RINL: variants seen among roughly 807,000 people sequenced by gnomAD.
RINL encodes the protein Ras and Rab interactor like.
Under a neutral mutation model 58.1 loss-of-function variants are expected in RINL, and 39 were observed. The ratio of observed to expected loss-of-function variants is 0.67; its 90% CI spans 0.52 to 0.88. RINL has a LOEUF of 0.88. RINL is among the 40% of genes least tolerant of loss of function. The pLI is 0.00. For missense variants in RINL, 711 were observed against 749.2 expected, an observed-to-expected ratio of 0.95 and a Z score of 0.60; for synonymous variants, 286 against 323.1, an observed-to-expected ratio of 0.89 and a Z score of 1.23.
In RINL at chr19:38,878,220, TG is replaced by T; in HGVS notation, c.-40+11del. 1 of 143,876 alleles carries T rather than the reference TG, an allele frequency of 7.0e-6. No individual in the cohort carries two copies. Among genetic ancestry groups the T allele is most frequent in the Non-Finnish European group, 1.5e-5 (1 of 65,460 alleles). The allele number at this position is 143,876 out of a possible 1,614,324, so 8.9% of individuals were successfully genotyped here. On this transcript the variant is annotated intron_variant, in intron 1 of 11. Transcript: ENST00000591812. ...CTGAAGATGCCAGATGCTCGGTTCC[TG>T]GGGGCCCTACCTGTTCTCGGAGGAG...
Position 38,870,153 on chromosome 19 carries a change from G to A in RINL, c.1132C>T (p.Arg378Trp). ...CCCGCCCGCAGGGCTGTCTGTCGCC[G>A]CCGCAGCCGCCGCAGCTCCGGTGCT... ...LRAPELRRLR[R>W]RQTALRAGAG... Residue 378 changes from arginine to tryptophan, a missense_variant, in exon 9 of 12, where the codon CGG becomes TGG. Physicochemically the swap from Arg to Trp is moderately radical, Grantham distance 101. Transcript: ENST00000591812. This position sits in a 1 kb window ranked among gnomAD's most constrained non-coding sequence, Gnocchi z 5.8. 1.4e-6 allele frequency: 2 copies of A among 1,407,474 alleles called. No individual in the cohort carries two copies. The highest frequency in any genetic ancestry group is 9.2e-7 in the Non-Finnish European group (1 of 1,091,178). The allele number at this position is 1,407,474 out of a possible 1,614,324, so 87.2% of individuals were successfully genotyped here.
At position 38,869,690 on chromosome 19, in the gene RINL, C is replaced by A; in HGVS notation, c.1357G>T (p.Asp453Tyr). 6.2e-7 allele frequency: 1 copy of A among 1,613,808 alleles called. No individual in the cohort carries two copies. The highest frequency in any genetic ancestry group is 8.5e-7 in the Non-Finnish European group (1 of 1,179,998). Residue 453 changes from aspartate to tyrosine, a missense_variant, in exon 10 of 12, where the codon GAC (aspartate) becomes TAC (tyrosine). By Grantham distance (160) the Asp-to-Tyr change is radical. Transcript: ENST00000591812. This position sits in a 1 kb window ranked among gnomAD's most constrained non-coding sequence, Gnocchi z 5.7. ...RGENQDPLGA[D>Y]AFLPALTEEL... ...TCGGTCAGCGCCGGCAGGAAGGCGT[C>A]GGCCCCCAGGGGATCTGGGAAAACC...
Position 38,870,060 on chromosome 19 carries a change from G to A in RINL, c.1225C>T (p.Arg409Cys). Reference sequence around the variant, plus strand: ...AGGTGCGCAAGGCGCTCGTGGATGCGGCTCCGCAAGGCGGGGGCGGGGCTC... The same window carrying A: ...AGGTGCGCAAGGCGCTCGTGGATGCAGCTCCGCAAGGCGGGGGCGGGGCTC... ...GQSPAPALRS[R>C]IHERLAHLHA... Residue 409 changes from arginine to cysteine, a missense_variant, in exon 9 of 12, where the codon CGC becomes TGC. Coordinates refer to ENST00000591812, the MANE Select transcript of RINL (RefSeq NM_001195833.2). The surrounding 1 kb of genome is among the most constrained non-coding windows in gnomAD (Gnocchi z 5.8). The A allele has an allele frequency of 6.5e-7, 1 of 1,529,754 alleles. No individual in the cohort carries two copies. Among genetic ancestry groups the A allele is most frequent in the Non-Finnish European group, 8.7e-7 (1 of 1,143,390 alleles). 94.8% of individuals were successfully genotyped at this position (1,529,754 alleles called of 1,614,324 possible). A position where few individuals can be genotyped will look rare whatever the true frequency, so the allele number is the denominator to read the frequency against.
In RINL at chr19:38,869,686, G is replaced by A. The variant is rs757804252; in HGVS notation, c.1361C>T (p.Ala454Val). ...GENQDPLGAD[A>V]FLPALTEELI... ...TTCCTCGGTCAGCGCCGGCAGGAAG[G>A]CGTCGGCCCCCAGGGGATCTGGGAA... Residue 454 changes from alanine (A) to valine (V), a missense_variant, in exon 10 of 12, where the codon GCC becomes GTC. By Grantham distance (64) the Ala-to-Val change is moderately conservative. Transcript: ENST00000591812. The surrounding 1 kb of genome is among the most constrained non-coding windows in gnomAD (Gnocchi z 5.7). 85 of 1,613,740 alleles carry A rather than the reference G, an allele frequency of 5.3e-5. No individual in the cohort carries two copies. The highest frequency in any genetic ancestry group is 5.0e-5 in the Non-Finnish European group (59 of 1,180,004).
chr19:38,876,234 CT>C, intron 3 of RINL, 96 bp downstream of exon 3: 1 of 1,255,288 alleles, frequency 8.0e-7, no homozygotes, highest in Non-Finnish European at 1.1e-6. Flanking sequence ...AATAAATAGC[CT>C]TTTTGGTTTG....
Position 38,872,301 on chromosome 19 carries a change from C to A in RINL, c.314-431G>T, listed in dbSNP as rs559687947. 2.0e-5 allele frequency among the ~76,000 whole-genome samples: 3 copies of A among 152,164 alleles called. No homozygotes were observed. The East Asian group carries it at 5.8e-4, about 30-fold the overall frequency. ...AGGAGTTCGAGACCAGCCTGGCCAA[C>A]ATGGCGAAACCCCATCTCTATTAAA... On this transcript the variant is annotated intron_variant, in intron 4 of 11. Coordinates refer to ENST00000591812, the MANE Select transcript of RINL (RefSeq NM_001195833.2).
Position 38,869,197 on chromosome 19 carries a change from G to A in RINL, c.1639-31C>T, listed in dbSNP as rs888394543. On this transcript the variant is annotated intron_variant, in intron 11 of 11. Transcript: ENST00000591812. This position sits in a 1 kb window ranked among gnomAD's most constrained non-coding sequence, Gnocchi z 5.7. ...GGGAGAGGTGGGAGCTGGGTCAGAA[G>A]GGCACCAGGTCTCACCCTCCCTTCT... 6.8e-6 allele frequency: 11 copies of A among 1,614,166 alleles called. No homozygotes were observed. The highest frequency in any genetic ancestry group is 8.5e-6 in the Non-Finnish European group (10 of 1,180,008).
Position 38,871,112 on chromosome 19 carries a change from T to A in RINL, c.567A>T (p.Glu189Asp). 6.2e-7 allele frequency: 1 copy of A among 1,610,930 alleles called. No individual in the cohort carries two copies. The highest frequency in any genetic ancestry group is 8.5e-7 in the Non-Finnish European group (1 of 1,178,582). The change falls in exon 7 of 12, where the codon GAA becomes GAT. Residue 189 changes from glutamate to aspartate, a missense_variant. Physicochemically the swap from Glu to Asp is conservative, Grantham distance 45. Transcript: ENST00000591812. ...RGWGREQTPQ[E>D]TEPEAAQRHD... ...GTCTCTGAGCAGCCTCTGGCTCTGT[T>A]TCTTGAGGGGTCTGCTCCCTCCCCC...
At chr19:38,873,084 A>T (rs138674373) in intron 4 of RINL, among the ~76,000 whole-genome samples, 55 of 152,066 alleles carry the variant, frequency 3.6e-4, no homozygotes, top group Non-Finnish European at 7.1e-4. Flanking sequence ...AAAGAAAAAG[A>T]AAGTGACCAA....
chr19:38,873,816 G>A (rs985506117), intron 4 of RINL, 70 bp downstream of exon 4: 23 of 989,418 alleles, frequency 2.3e-5, no homozygotes, highest in Middle Eastern at 2.1e-4. Flanking sequence ...GTGAGCCACC[G>A]CGCCGGTCCA....
At chr19:38,874,684 G>A (rs1410084135) in intron 3 of RINL, among the ~76,000 whole-genome samples, 1 of 152,190 alleles carries the variant, frequency 6.6e-6, no homozygotes, top group Non-Finnish European at 1.5e-5. Context: ...GGTAGCCCCC[G>A]TTTGCTGTCG....
intron 1 of RINL, among the ~76,000 whole-genome samples, chr19:38,877,624 A>C (rs1038869048): frequency 6.6e-6 from 1 of 152,186 alleles, no homozygotes; most frequent in African/African-American, 2.4e-5. Flanking sequence ...CATTTTACTC[A>C]TCTTGCTTTA....
Position 38,869,854 on chromosome 19 carries a change from T to C in RINL, c.1342+89A>G. On this transcript the variant is annotated intron_variant, in intron 9 of 11. Coordinates refer to ENST00000591812, the MANE Select transcript of RINL (RefSeq NM_001195833.2). This position sits in a 1 kb window ranked among gnomAD's most constrained non-coding sequence, Gnocchi z 5.7. Reference sequence around the variant, plus strand: ...TCCTACCAGAATCTTCAGGACCGCATAGATTCCTCCCACCAGTGCTACCCT... The same window carrying C: ...TCCTACCAGAATCTTCAGGACCGCACAGATTCCTCCCACCAGTGCTACCCT... 5.3e-6 allele frequency: 8 copies of C among 1,521,882 alleles called. No individual in the cohort carries two copies. Among genetic ancestry groups the C allele is most frequent in the Middle Eastern group, 1.7e-4 (1 of 5,826 alleles). The allele number at this position is 1,521,882 out of a possible 1,614,324, so 94.3% of individuals were successfully genotyped here.
In RINL at chr19:38,870,561, TC is replaced by T; in HGVS notation, c.1024+8del. ...ACCCGTGGGGGCTCCCTTCCAGTCCTCCCATTACCTGGATCCTCGTCCTTCT... is the reference window on the plus strand; with the variant it reads ...ACCCGTGGGGGCTCCCTTCCAGTCCTCCATTACCTGGATCCTCGTCCTTCT... On this transcript the variant is annotated splice_region_variant and intron_variant, in intron 8 of 11. Transcript: ENST00000591812. This position sits in a 1 kb window ranked among gnomAD's most constrained non-coding sequence, Gnocchi z 5.8. 2 of 1,546,072 alleles carry T rather than the reference TC, an allele frequency of 1.3e-6. No homozygotes were observed. Among genetic ancestry groups the T allele is most frequent in the Non-Finnish European group, 1.7e-6 (2 of 1,146,616 alleles).
intron 6 of RINL, 118 bp downstream of exon 6, chr19:38,871,529 G>T: frequency 2.1e-6 from 2 of 954,430 alleles, no homozygotes; most frequent in African/African-American, 1.6e-5. Flanking sequence ...GCTCTCTCTA[G>T]TCTCCAGTTC....
Position 38,870,333 on chromosome 19 carries a change from C to A in RINL, c.1025-73G>T, listed in dbSNP as rs1375104256. 7 of 1,187,452 alleles carry A rather than the reference C, an allele frequency of 5.9e-6. No individual in the cohort carries two copies. Among genetic ancestry groups the A allele is most frequent in the Non-Finnish European group, 6.7e-6 (6 of 893,576 alleles). 73.6% of individuals were successfully genotyped at this position (1,187,452 alleles called of 1,614,324 possible). ...ACGCCCACCCACGCGCTCCAACAAC[C>A]CACCCTGGCCCACAGCCACCCCTGC... is the stretch of plus-strand genomic sequence containing the variant. On this transcript the variant is annotated intron_variant, in intron 8 of 11. Coordinates refer to ENST00000591812, the MANE Select transcript of RINL (RefSeq NM_001195833.2). The surrounding 1 kb of genome is among the most constrained non-coding windows in gnomAD (Gnocchi z 5.8).
chr19:38,870,271 T>C lies in RINL; in HGVS notation c.1025-11A>G. ...TCTCCAGCGCGGGGCCTGCGGGGTG[T>C]GGGGGACGGGTGAGCACAGGACCGC... On this transcript the variant is annotated splice_polypyrimidine_tract_variant and intron_variant, in intron 8 of 11. Transcript: ENST00000591812. The surrounding 1 kb of genome is among the most constrained non-coding windows in gnomAD (Gnocchi z 5.8). The C allele has an allele frequency of 7.2e-7, 1 of 1,381,074 alleles. No individual in the cohort carries two copies. Among genetic ancestry groups the C allele is most frequent in the South Asian group, 1.6e-5 (1 of 61,098 alleles). 85.6% of individuals were successfully genotyped at this position (1,381,074 alleles called of 1,614,324 possible). A position where few individuals can be genotyped will look rare whatever the true frequency, so the allele number is the denominator to read the frequency against.
At chr19:38,877,631 T>C (rs1359300371) in intron 1 of RINL, among the ~76,000 whole-genome samples, 1 of 152,220 alleles carries the variant, frequency 6.6e-6, no homozygotes, top group Admixed American at 6.5e-5. Context: ...CTCATCTTGC[T>C]TTATCACACA....
chr19:38,871,150 T>C lies in RINL; in HGVS notation c.529A>G (p.Thr177Ala), dbSNP rs1268156242. 2 of 1,613,794 alleles carry C rather than the reference T, an allele frequency of 1.2e-6. No homozygotes were observed. Among genetic ancestry groups the C allele is most frequent in the Non-Finnish European group, 1.7e-6 (2 of 1,179,800 alleles). Reference protein sequence around the residue: ...LSIVNQLYLETHRGWGREQTP... With the variant: ...LSIVNQLYLEAHRGWGREQTP... Reference sequence around the variant, plus strand: ...TGCTCCCTCCCCCAGCCTCTGTGGGTCTCCAGGTAGAGCTGGTTCACAATG... The same window carrying C: ...TGCTCCCTCCCCCAGCCTCTGTGGGCCTCCAGGTAGAGCTGGTTCACAATG... The change falls in exon 7 of 12, where the codon ACC becomes GCC. Residue 177 changes from threonine (T) to alanine (A), a missense_variant. Physicochemically the swap from Thr to Ala is moderately conservative, Grantham distance 58. Transcript: ENST00000591812.
Sources: allele counts gnomAD v4.1 joint callset (sites outside exome capture counted in the v4.1 genomes callset), GRCh38; gene constraint gnomAD v4.1.1; non-coding constraint Gnocchi (gnomAD v3.1); transcripts MANE v1.5; gene names NCBI Gene and HGNC (gene_info 2026-07-23, HGNC 2026-07-21).